The following INSL6 variants were observed in gnomAD, a reference collection of about 807,000 sequenced individuals.
INSL6 encodes insulin-like peptide INSL6.
Under a neutral mutation model 9.4 loss-of-function variants are expected in INSL6, and 16 were observed. The ratio of observed to expected loss-of-function variants is 1.70; its 90% CI spans 1.15 to 2.59. INSL6 has a LOEUF of 2.59. INSL6 is among the 30% of genes most tolerant of loss of function. The pLI, the probability that INSL6 is intolerant of heterozygous loss-of-function variation, is 0.00. For missense variants in INSL6, 391 were observed against 257.3 expected (o/e 1.52, Z -3.56); for synonymous variants, 154 against 96.9 (o/e 1.59, Z -3.46).
the INSL6 span, among the ~76,000 whole-genome samples, chr9:5,066,310 A>G: frequency 6.6e-6 from 1 of 152,256 alleles, no homozygotes; most frequent in Non-Finnish European, 1.5e-5. Context: ...TAGTAGAGAT[A>G]TAAGTATTTT....
At chr9:5,074,823 T>C in the INSL6 span, among the ~76,000 whole-genome samples, 13 of 151,976 alleles carry the variant, frequency 8.6e-5, no homozygotes, top group African/African-American at 1.7e-4. Context: ...GCAAAGACCA[T>C]TGATGAAGAT....
At chr9:4,994,494 T>A in the INSL6 span, among the ~76,000 whole-genome samples, 3 of 152,160 alleles carry the variant, frequency 2.0e-5, no homozygotes, top group Non-Finnish European at 4.4e-5. Flanking sequence ...GGGCCTAGAT[T>A]GTGAGAATTA....
the INSL6 span, chr9:5,110,268 A>G: frequency 6.6e-6 from 1 of 152,206 alleles, no homozygotes; most frequent in African/African-American, 2.4e-5. Context: ...TTTAATAGAA[A>G]ATAACCTCTG....
intron 1 of INSL6, among the ~76,000 whole-genome samples, chr9:5,183,803 A>C (rs2130924980): frequency 6.6e-6 from 1 of 152,298 alleles, no homozygotes; most frequent in South Asian, 2.1e-4. Flanking sequence ...CAGACAGTAA[A>C]CTGGACCTTG....
the INSL6 span, chr9:5,022,321 G>A: frequency 3.0e-6 from 2 of 672,690 alleles, no homozygotes; most frequent in Non-Finnish European, 2.4e-6. Context: ...TTTAATGCTT[G>A]TATGGCTGGC....
chr9:5,046,581 G>A, the INSL6 span, among the ~76,000 whole-genome samples: 3 of 152,058 alleles, frequency 2.0e-5, no homozygotes, highest in East Asian at 3.8e-4. Flanking sequence ...TTTGTCTATC[G>A]TGAAGGTAAG....
chr9:5,093,150 CACTG>C, the INSL6 span, among the ~76,000 whole-genome samples: 1 of 152,066 alleles, frequency 6.6e-6, no homozygotes, highest in Non-Finnish European at 1.5e-5. Flanking sequence ...TGGAATAACC[CACTG>C]ACTGACAGTT....
chr9:5,081,636 G>A, the INSL6 span: 17 of 851,266 alleles, frequency 2.0e-5, no homozygotes, highest in African/African-American at 1.4e-4. Flanking sequence ...TTTAACTCAC[G>A]ATTATTTTGG....
At chr9:5,170,309 A>C (rs1488977141) in intron 1 of INSL6, among the ~76,000 whole-genome samples, 1 of 152,216 alleles carries the variant, frequency 6.6e-6, no homozygotes, top group African/African-American at 2.4e-5. Context: ...ATCAATGAGA[A>C]CAAAGAAACA....
At chr9:5,168,927 ATTT>A (rs34418346) in intron 1 of INSL6, among the ~76,000 whole-genome samples, 24 of 143,544 alleles carry the variant, frequency 1.7e-4, no homozygotes, top group African/African-American at 5.4e-4. Context: ...TATTTATTTG[ATTT>A]TTTTTTTTTT....
the INSL6 span, chr9:5,054,962 T>G: frequency 9.3e-7 from 1 of 1,077,568 alleles, no homozygotes; most frequent in African/African-American, 1.6e-5. The surrounding 1 kb of genome is among the most constrained non-coding windows in gnomAD (Gnocchi z 4.9). Flanking sequence ...TTTAATCATT[T>G]GCAACATGGT....
At chr9:5,132,307 G>T (rs925283950) in intron 3 of INSL6, among the ~76,000 whole-genome samples, 2 of 152,114 alleles carry the variant, frequency 1.3e-5, no homozygotes, top group African/African-American at 4.8e-5. Context: ...CATGGTGCTA[G>T]GAAAAAAGAA....
At chr9:5,126,386 T>G in intron 3 of INSL6, 1 of 1,611,106 alleles carries the variant, frequency 6.2e-7, no homozygotes, top group Non-Finnish European at 8.5e-7. Context: ...TCGTGTTCCA[T>G]TTGATAGAAC....
intron 2 of INSL6, among the ~76,000 whole-genome samples, chr9:5,140,514 C>T (rs949736143): frequency 6.6e-6 from 1 of 152,046 alleles, no homozygotes; most frequent in African/African-American, 2.4e-5. Flanking sequence ...TCTAATTAGT[C>T]TTCCTACCTT....
At chr9:5,094,710 G>A in the INSL6 span, 5 of 152,092 alleles carry the variant, frequency 3.3e-5, 1 homozygote, top group South Asian at 8.3e-4. Flanking sequence ...CTTCAATGTC[G>A]AATATGCTGC....
chr9:5,104,764 C>T, the INSL6 span, among the ~76,000 whole-genome samples: 43 of 152,188 alleles, frequency 2.8e-4, no homozygotes, highest in Non-Finnish European at 5.4e-4. Flanking sequence ...ATTTGCAAAT[C>T]AATAAACGTA....
At chr9:5,074,160 ATTTT>A in the INSL6 span, among the ~76,000 whole-genome samples, 1 of 152,148 alleles carries the variant, frequency 6.6e-6, no homozygotes, top group African/African-American at 2.4e-5. Flanking sequence ...GATACACTTA[ATTTT>A]TAATGGAACT....
chr9:5,063,002 A>C, the INSL6 span, among the ~76,000 whole-genome samples: 2 of 151,844 alleles, frequency 1.3e-5, no homozygotes, highest in African/African-American at 4.8e-5. Context: ...AAGTCTTTTA[A>C]TTTTGTTTAG....
chr9:5,024,510 A>C, the INSL6 span, among the ~76,000 whole-genome samples: 1 of 151,970 alleles, frequency 6.6e-6, no homozygotes, highest in East Asian at 1.9e-4. Context: ...GAACAGCTTG[A>C]GGTGAAAGCT....
Sources: allele counts gnomAD v4.1 joint callset (sites outside exome capture counted in the v4.1 genomes callset), GRCh38; gene constraint gnomAD v4.1.1; non-coding constraint Gnocchi (gnomAD v3.1); transcripts MANE v1.5; gene names NCBI Gene and HGNC (gene_info 2026-07-23, HGNC 2026-07-21).